Variants in SH3PXD2A observed in about 807,000 individuals in gnomAD.
The protein encoded by SH3PXD2A is SH3 and PX domain-containing protein 2A.
SH3PXD2A carries 32 observed loss-of-function variants against 115.2 expected under a neutral mutation model. The observed-to-expected ratio is 0.28, with a 90% CI of 0.21 to 0.37. The LOEUF is 0.37. Among genes scored for constraint, SH3PXD2A ranks in the 10% least tolerant of loss-of-function variants. The probability of loss-of-function intolerance (pLI) is 1.00; values close to 1 mark genes in which losing one functional copy is unlikely to be tolerated. For synonymous variants in SH3PXD2A, 610 were observed against 629.1 expected (o/e 0.97, Z 0.45); for missense variants, 1,328 against 1,498.7 (o/e 0.89, Z 1.88).
intron 6 of SH3PXD2A, among the ~76,000 whole-genome samples, chr10:103,675,293 T>C (rs1041973602): frequency 2.6e-5 from 4 of 152,214 alleles, no homozygotes; most frequent in African/African-American, 9.7e-5. Context: ...AGAGTCTTCA[T>C]TTTCATTTTG....
chr10:103,740,541 T>G (rs899765235), intron 3 of SH3PXD2A, among the ~76,000 whole-genome samples: 13 of 151,858 alleles, frequency 8.6e-5, no homozygotes, highest in Non-Finnish European at 1.6e-4. Context: ...CTGGCCAGGG[T>G]CCCCACACCA....
chr10:103,814,908 T>C (rs1368491460), intron 1 of SH3PXD2A, among the ~76,000 whole-genome samples: 1 of 152,052 alleles, frequency 6.6e-6, no homozygotes, highest in Non-Finnish European at 1.5e-5. Flanking sequence ...TGCTTTAGAT[T>C]GACAGGGGAG....
chr10:103,622,350 C>T, intron 10 of SH3PXD2A, 120 bp downstream of exon 10: 1 of 685,430 alleles, frequency 1.5e-6, no homozygotes, highest in Non-Finnish European at 2.5e-6. Flanking sequence ...AAAGCCTGGC[C>T]CGTGAATCTG....
At chr10:103,635,416 C>A (rs770931736) in intron 8 of SH3PXD2A, among the ~76,000 whole-genome samples, 3 of 152,214 alleles carry the variant, frequency 2.0e-5, no homozygotes, top group Non-Finnish European at 4.4e-5. Context: ...GCAGTCAGGC[C>A]CTCTGATACC....
intron 1 of SH3PXD2A, among the ~76,000 whole-genome samples, chr10:103,814,603 G>A (rs1410452856): frequency 6.6e-6 from 1 of 152,174 alleles, no homozygotes; most frequent in Non-Finnish European, 1.5e-5. Context: ...ACCTGTGACT[G>A]TGATGCTGGT....
In SH3PXD2A at chr10:103,751,866, C is replaced by T. The variant is rs2038583349; in HGVS notation, c.229+15228G>A. 2.0e-5 allele frequency among the ~76,000 whole-genome samples: 3 copies of T among 152,350 alleles called. No individual in the cohort carries two copies. In the South Asian group the frequency reaches 6.2e-4, roughly 32 times the overall value. Reference sequence around the variant, plus strand: ...AAGAGACACCAAAGCAACCGAATAACCCGCACTCCCTGTCCAGGCCCTCGT... The same window carrying T: ...AAGAGACACCAAAGCAACCGAATAATCCGCACTCCCTGTCCAGGCCCTCGT... On this transcript the variant is annotated intron_variant, in intron 3 of 14. Transcript: ENST00000369774.
chr10:103,660,653 C>G (rs1435181153), intron 8 of SH3PXD2A, among the ~76,000 whole-genome samples: 6 of 152,246 alleles, frequency 3.9e-5, no homozygotes, highest in African/African-American at 1.4e-4. Context: ...TGCTGGGCAT[C>G]CCTGAGCTGA....
At chr10:103,706,778 C>G (rs990984734) in intron 5 of SH3PXD2A, among the ~76,000 whole-genome samples, 4 of 152,038 alleles carry the variant, frequency 2.6e-5, no homozygotes, top group Admixed American at 6.5e-5. Flanking sequence ...ATAGGCAGAC[C>G]CTGCATCTCT....
intron 13 of SH3PXD2A, among the ~76,000 whole-genome samples, chr10:103,607,297 G>A (rs568924486): frequency 0.045 from 6,795 of 151,156 alleles, 214 homozygotes; most frequent in Non-Finnish European, 0.068. Context: ...CCCTCCGCCC[G>A]GCAGCCGCCC....
chr10:103,703,531 A>G (rs1030105661), intron 5 of SH3PXD2A, among the ~76,000 whole-genome samples: 2 of 151,926 alleles, frequency 1.3e-5, no homozygotes, highest in African/African-American at 4.8e-5. Context: ...CAGAAAGCCC[A>G]CTCTGATTTT....
At chr10:103,693,363 G>A (rs2037785452) in intron 5 of SH3PXD2A, 1 of 151,966 alleles carries the variant, frequency 6.6e-6, no homozygotes, top group Non-Finnish European at 1.5e-5. Context: ...GGAAGGGCGA[G>A]GCAGGTTCTC....
chr10:103,831,685 A>G (rs2039483925), intron 1 of SH3PXD2A, among the ~76,000 whole-genome samples: 1 of 152,112 alleles, frequency 6.6e-6, no homozygotes, highest in African/African-American at 2.4e-5. Flanking sequence ...TTAACTAATT[A>G]AAGTGTGCAA....
chr10:103,723,421 C>A (rs1403379846), intron 5 of SH3PXD2A, among the ~76,000 whole-genome samples: 1 of 152,210 alleles, frequency 6.6e-6, no homozygotes, highest in Non-Finnish European at 1.5e-5. Flanking sequence ...CTGGGGACTG[C>A]AGGTGAGCAG....
At position 103,603,727 on chromosome 10, in the gene SH3PXD2A, G is replaced by C. The variant is rs2036256711; in HGVS notation, c.1491C>G (p.Ala497=). The C allele has an allele frequency of 1.2e-6, 2 of 1,611,042 alleles. No individual in the cohort carries two copies. Among genetic ancestry groups the C allele is most frequent in the African/African-American group, 2.7e-5 (2 of 74,892 alleles). ...YVQIGEKEGW[A]PASYIDKRKK... ...TGCGCTTATCGATGTATGATGCGGGGGCCCAGCCCTCCTTCTCACCGATCT... is the reference window on the plus strand; with the variant it reads ...TGCGCTTATCGATGTATGATGCGGGCGCCCAGCCCTCCTTCTCACCGATCT... Residue 497 remains alanine, a synonymous_variant, in exon 15 of 15, where the codon GCC becomes GCG. Transcript: ENST00000369774.
At chr10:103,638,833 G>A (rs1267126137) in intron 8 of SH3PXD2A, among the ~76,000 whole-genome samples, 1 of 152,230 alleles carries the variant, frequency 6.6e-6, no homozygotes, top group Non-Finnish European at 1.5e-5. Context: ...GGGTGACTGG[G>A]GCCAGGGATG....
rs568604881 is a variant in SH3PXD2A, at chr10:103,661,158, G to C, written c.473-44C>G. 5.0e-5 allele frequency: 80 copies of C among 1,597,920 alleles called. 2 individuals carry two copies. In the South Asian group the frequency reaches 8.8e-4, roughly 18 times the overall value. On this transcript the variant is annotated intron_variant, in intron 7 of 14. Transcript: ENST00000369774. ...ACGCGGTGAGCCAGCGGCCAGCCAT[G>C]GCCCCGCGGCCAGGGCGCCCCCTGT... is the stretch of plus-strand genomic sequence containing the variant.
At chr10:103,604,511 G>A (rs1423111760) in intron 14 of SH3PXD2A, among the ~76,000 whole-genome samples, 1 of 152,220 alleles carries the variant, frequency 6.6e-6, no homozygotes, top group African/African-American at 2.4e-5. Flanking sequence ...TGCTGGTTGT[G>A]CTGGGGTCCA....
At chr10:103,710,449 C>T (rs969831177) in intron 5 of SH3PXD2A, among the ~76,000 whole-genome samples, 1 of 152,144 alleles carries the variant, frequency 6.6e-6, no homozygotes, top group African/African-American at 2.4e-5. Flanking sequence ...AGTAATTGAG[C>T]TATTATTAGC....
intron 2 of SH3PXD2A, among the ~76,000 whole-genome samples, chr10:103,779,314 C>T (rs747650160): frequency 7.2e-5 from 11 of 152,192 alleles, no homozygotes; most frequent in Admixed American, 2.0e-4. Flanking sequence ...GCGATCCACC[C>T]GCCTGGCATG....
Sources: allele counts gnomAD v4.1 joint callset (sites outside exome capture counted in the v4.1 genomes callset), GRCh38; gene constraint gnomAD v4.1.1; transcripts MANE v1.5; gene names NCBI Gene and HGNC (gene_info 2026-07-23, HGNC 2026-07-21).